The following DENND5B variants were observed in gnomAD, a reference collection of about 807,000 sequenced individuals.
DENND5B encodes DENN domain-containing protein 5B.
In DENND5B, 34 loss-of-function variants were observed where a neutral mutation model predicts 140.6. The observed-to-expected ratio is 0.24, with a 90% CI of 0.18 to 0.32. The LOEUF (loss-of-function observed/expected upper bound fraction) is 0.32, where lower values mean the gene tolerates loss of function less well. Among genes scored for constraint, DENND5B ranks in the 10% least tolerant of loss-of-function variants. The pLI, the probability that DENND5B is intolerant of heterozygous loss-of-function variation, is 1.00. For synonymous variants in DENND5B, 551 were observed against 562.1 expected (o/e 0.98, Z 0.28); for missense variants, 1,142 against 1,560.2 (o/e 0.73, Z 4.52).
In DENND5B at chr12:31,533,159, T is replaced by C. The variant is rs538488422; in HGVS notation, c.128-37240A>G. ...CTATTAAATATTGTTAAAATATGAATGCTTAAATTTGCCCTCCTATTACAG... is the reference window on the plus strand; with the variant it reads ...CTATTAAATATTGTTAAAATATGAACGCTTAAATTTGCCCTCCTATTACAG... On this transcript the variant is annotated intron_variant, in intron 1 of 20. Transcript: ENST00000389082. Among the ~76,000 whole-genome samples, 40 of 152,318 alleles carry C rather than the reference T, an allele frequency of 2.6e-4. 1 individual carries two copies. The highest frequency in any genetic ancestry group is 1.2e-3 in the South Asian group (6 of 4,830).
intron 5 of DENND5B, among the ~76,000 whole-genome samples, chr12:31,448,760 C>T (rs1944382060): frequency 6.6e-6 from 1 of 152,134 alleles, no homozygotes; most frequent in Non-Finnish European, 1.5e-5. Context: ...CCTACAGTCC[C>T]AGCCACTAGG....
chr12:31,512,951 A>G (rs1947484989), intron 1 of DENND5B, among the ~76,000 whole-genome samples: 1 of 152,160 alleles, frequency 6.6e-6, no homozygotes, highest in Admixed American at 6.5e-5. Flanking sequence ...AGATTTTCTG[A>G]GTTTTTACCT....
intron 2 of DENND5B, among the ~76,000 whole-genome samples, chr12:31,493,363 CA>C (rs1946606914): frequency 6.6e-6 from 1 of 152,098 alleles, no homozygotes; most frequent in African/African-American, 2.4e-5. Flanking sequence ...GTTAGATTAT[CA>C]GGTTATAATG....
rs557180024 is a variant in DENND5B, at chr12:31,552,284, A to G, written c.127+38422T>C. 2.5e-3 allele frequency among the ~76,000 whole-genome samples: 377 copies of G among 152,218 alleles called. 1 individual carries two copies. The highest frequency in any genetic ancestry group is 4.4e-3 in the Non-Finnish European group (299 of 68,016). The stretch of plus-strand genomic sequence containing the variant: ...AGTTTTTGGCATGAAGGGCTGCTGA[A>G]TTTTGTCAAAGGCCTTTTCTGCATC... On this transcript the variant is annotated intron_variant, in intron 1 of 20. Transcript: ENST00000389082.
At chr12:31,548,735 C>T (rs897059657) in intron 1 of DENND5B, among the ~76,000 whole-genome samples, 4 of 152,142 alleles carry the variant, frequency 2.6e-5, no homozygotes, top group South Asian at 4.1e-4. Context: ...GACCTTTCAA[C>T]AAGTGTGCTT....
intron 1 of DENND5B, among the ~76,000 whole-genome samples, chr12:31,538,756 T>C (rs1948587510): frequency 6.6e-6 from 1 of 151,736 alleles, no homozygotes; most frequent in Non-Finnish European, 1.5e-5. Context: ...GTAATCTCAG[T>C]TACTCGGGAG....
chr12:31,432,714 T>A (rs1943562501), intron 8 of DENND5B: 1 of 153,350 alleles, frequency 6.5e-6, no homozygotes, highest in Non-Finnish European at 1.5e-5. Flanking sequence ...TTTAAAACAC[T>A]TTCAAAAATA....
At position 31,508,504 on chromosome 12, in the gene DENND5B, G is replaced by T. The variant is rs149666989; in HGVS notation, c.128-12585C>A. Among the ~76,000 whole-genome samples the T allele has an allele frequency of 4.6e-5, 7 of 152,218 alleles. No homozygotes were observed. The East Asian group carries it at 1.4e-3, about 29-fold the overall frequency. ...AGTAAATAGACTATCCTGTTTCATGGTCTATGAAATTATCCTAACATGAGC... is the reference window on the plus strand; with the variant it reads ...AGTAAATAGACTATCCTGTTTCATGTTCTATGAAATTATCCTAACATGAGC... On this transcript the variant is annotated intron_variant, in intron 1 of 20. Transcript: ENST00000389082.
At chr12:31,438,751 G>C (rs1339573038) in intron 7 of DENND5B, among the ~76,000 whole-genome samples, 1 of 151,892 alleles carries the variant, frequency 6.6e-6, no homozygotes, top group Non-Finnish European at 1.5e-5. Flanking sequence ...TAGCAAAAAA[G>C]GTCAGTATAA....
At chr12:31,455,423 C>T (rs1944725813) in intron 4 of DENND5B, among the ~76,000 whole-genome samples, 1 of 152,104 alleles carries the variant, frequency 6.6e-6, no homozygotes, top group Admixed American at 6.5e-5. Context: ...TTAAGAAGGG[C>T]CCAAGCTGGG....
intron 1 of DENND5B, among the ~76,000 whole-genome samples, chr12:31,530,651 GC>G (rs1948249575): frequency 6.6e-6 from 1 of 152,054 alleles, no homozygotes. Flanking sequence ...ACATTTTCAC[GC>G]TCTTTAAAAA....
At chr12:31,406,446 GA>G (rs549945175) in intron 14 of DENND5B, among the ~76,000 whole-genome samples, 1 of 152,148 alleles carries the variant, frequency 6.6e-6, no homozygotes, top group South Asian at 2.1e-4. Flanking sequence ...TTTAGGATAG[GA>G]AAATGTCAGA....
chr12:31,388,966 G>C (rs1292941721), intron 20 of DENND5B, among the ~76,000 whole-genome samples: 2 of 152,146 alleles, frequency 1.3e-5, no homozygotes, highest in African/African-American at 4.8e-5. Context: ...AGTGGGACAG[G>C]GTGTGAACCT....
intron 1 of DENND5B, among the ~76,000 whole-genome samples, chr12:31,542,287 C>CAA (rs778257868): frequency 2.6e-4 from 16 of 62,220 alleles, no homozygotes; most frequent in Admixed American, 3.5e-4. Flanking sequence ...GACTCCGTCT[C>CAA]AAAAAAAAAA....
rs150892211 is a variant in DENND5B, at chr12:31,493,185, G to C, written c.237+2625C>G. The stretch of plus-strand genomic sequence containing the variant: ...CAGTTGAGAAAAAAAGTGAGCTAGA[G>C]AGTAAAAATGATCTGGATTTAATTT... On this transcript the variant is annotated intron_variant, in intron 2 of 20. Coordinates refer to ENST00000389082, the MANE Select transcript of DENND5B (RefSeq NM_144973.4). Among the ~76,000 whole-genome samples, 183 of 152,280 alleles carry C rather than the reference G, an allele frequency of 1.2e-3. No individual in the cohort carries two copies. In the East Asian group the frequency reaches 0.02, roughly 16 times the overall value.
chr12:31,451,738 A>G (rs1485108442), intron 5 of DENND5B: 1 of 586,390 alleles, frequency 1.7e-6, no homozygotes, highest in Admixed American at 3.5e-5. Context: ...TGCTTGTAAA[A>G]TTATTTTATC....
At chr12:31,515,128 A>G (rs1250183269) in intron 1 of DENND5B, among the ~76,000 whole-genome samples, 2 of 152,124 alleles carry the variant, frequency 1.3e-5, no homozygotes, top group African/African-American at 4.8e-5. Context: ...GTCTCTAAAA[A>G]GAAAACAGAA....
chr12:31,403,879 G>C (rs1941963766), intron 14 of DENND5B, among the ~76,000 whole-genome samples: 1 of 101,916 alleles, frequency 9.8e-6, no homozygotes, highest in Non-Finnish European at 1.8e-5. Context: ...CTGGGCAACA[G>C]GAGTGAAACT....
At chr12:31,472,599 AAAGT>A (rs2138434888) in intron 3 of DENND5B, among the ~76,000 whole-genome samples, 1 of 152,140 alleles carries the variant, frequency 6.6e-6, no homozygotes, top group Non-Finnish European at 1.5e-5. Context: ...GCCTGAAATG[AAAGT>A]CTTAATATAG....
Sources: allele counts gnomAD v4.1 joint callset (sites outside exome capture counted in the v4.1 genomes callset), GRCh38; gene constraint gnomAD v4.1.1; transcripts MANE v1.5; gene names NCBI Gene and HGNC (gene_info 2026-07-23, HGNC 2026-07-21).